The following MCF2L variants were observed in gnomAD, a reference collection of about 807,000 sequenced individuals.
MCF2L encodes the protein MCF.2 cell line derived transforming sequence like, also known as guanine nucleotide exchange factor DBS.
In MCF2L, 97 loss-of-function variants were observed where a neutral mutation model predicts 153.4. The ratio of observed to expected loss-of-function variants is 0.63; its 90% confidence interval spans 0.54 to 0.75. The LOEUF (loss-of-function observed/expected upper bound fraction) is 0.75. Among genes scored for constraint, MCF2L ranks in the 30% least tolerant of loss-of-function variants. The pLI, the probability that MCF2L is intolerant of heterozygous loss-of-function variation, is 0.00. For synonymous variants in MCF2L, 659 were observed against 632.2 expected (o/e 1.04, Z -0.64); for missense variants, 1,347 against 1,495.2 (o/e 0.90, Z 1.64).
At chr13:113,013,079 G>A (rs943733224) in intron 1 of MCF2L, among the ~76,000 whole-genome samples, 27 of 152,130 alleles carry the variant, frequency 1.8e-4, no homozygotes, top group Non-Finnish European at 8.8e-5. Context: ...GGTCACAGTC[G>A]CTCCTGGTGA....
intron 4 of MCF2L, among the ~76,000 whole-genome samples, chr13:113,058,965 A>G (rs28410959): frequency 1.4e-3 from 23 of 16,058 alleles, no homozygotes; most frequent in African/African-American, 2.6e-3. Flanking sequence ...TGAGTGTTTC[A>G]GCGCTGTTTG....
upstream of MCF2L, among the ~76,000 whole-genome samples, chr13:112,968,145 G>GGGA (rs1555355463): frequency 6.7e-5 from 10 of 148,718 alleles, 1 homozygote; most frequent in Non-Finnish European, 1.4e-4. Context: ...AGTGAGGTGG[G>GGGA]GGGGGGGGTC....
chr13:112,990,079 C>G (rs1205542992), intron 1 of MCF2L, among the ~76,000 whole-genome samples: 1 of 152,206 alleles, frequency 6.6e-6, no homozygotes, highest in Non-Finnish European at 1.5e-5. Flanking sequence ...CCTGCTTACC[C>G]CCTGTTCACT....
rs754255363 is a variant in MCF2L at position 113,078,736 on chromosome 13, G to A, written c.1805G>A (p.Arg602His). ...GAGGAGGAAAGCCTGGCCATCCTGC[G>A]CAGGTGGGTGCGCTGCCCTTCTGTC... ...GEEEESLAILRRHVMSELLDT... is the reference protein window; with the variant it reads ...GEEEESLAILHRHVMSELLDT... Residue 602 changes from arginine to histidine, a missense_variant, in exon 15 of 30, where the codon CGC (arginine) becomes CAC (histidine). Coordinates refer to ENST00000535094, the MANE Select transcript of MCF2L (RefSeq NM_001112732.3). 7 of 1,597,572 alleles carry A rather than the reference G, an allele frequency of 4.4e-6. No homozygotes were observed. The highest frequency in any genetic ancestry group is 1.1e-5 in the South Asian group (1 of 89,148).
At chr13:113,016,837 C>T (rs1284619060) in intron 2 of MCF2L, among the ~76,000 whole-genome samples, 5 of 152,218 alleles carry the variant, frequency 3.3e-5, no homozygotes, top group East Asian at 1.9e-4. Context: ...CTCTGCTCCG[C>T]CCCCTTCGTT....
rs1020942170 is a variant in MCF2L, at chr13:112,959,831, GA to G, written c.170-54929del. On this transcript the variant is annotated intron_variant, in intron 2 of 29. Transcript: ENST00000375608. The stretch of plus-strand genomic sequence containing the variant: ...CCACAGCAGCAACGCACCGGTGCTG[GA>G]AACCGAATTTAGACTATTTGGAGTG... 7.9e-5 allele frequency among the ~76,000 whole-genome samples: 12 copies of G among 152,330 alleles called. No homozygotes were observed. In the South Asian group the frequency reaches 1.0e-3, roughly 13 times the overall value.
chr13:113,033,233 A>ACGTGAGTGGCCCCCGTGG (rs2085867989), intron 3 of MCF2L, among the ~76,000 whole-genome samples: 1 of 105,694 alleles, frequency 9.5e-6, no homozygotes. Flanking sequence ...GGCCCCCGTG[A>ACGTGAGTGGCCCCCGTGG]CGTGAGTGGC....
At chr13:113,013,593 A>C (rs1413112319) in intron 1 of MCF2L, among the ~76,000 whole-genome samples, 1 of 152,138 alleles carries the variant, frequency 6.6e-6, no homozygotes, top group African/African-American at 2.4e-5. Context: ...CTCCGCTGGG[A>C]ATTTCCAGGT....
At position 112,985,898 on chromosome 13, in the gene MCF2L, G is replaced by A. The variant is rs137961536; in HGVS notation, c.79+16440G>A. Among the ~76,000 whole-genome samples, 606 of 152,262 alleles carry A rather than the reference G, an allele frequency of 4.0e-3. 3 individuals are homozygous for A. Among genetic ancestry groups the A allele is most frequent in the Non-Finnish European group, 6.6e-3 (447 of 68,012 alleles). On this transcript the variant is annotated intron_variant, in intron 1 of 29. Coordinates refer to ENST00000535094, the MANE Select transcript of MCF2L (RefSeq NM_001112732.3). ...TGGTCCCCTTGACCATGGGACACCC[G>A]GTGACGTGCCTGAGGATCGGCCCCG...
rs1399581616 is a variant in MCF2L, at chr13:113,074,510, G to A, written c.1063G>A (p.Ala355Thr). The A allele has an allele frequency of 6.2e-7, 1 of 1,613,956 alleles. No individual in the cohort carries two copies. Among genetic ancestry groups the A allele is most frequent in the Non-Finnish European group, 8.5e-7 (1 of 1,180,036 alleles). ...ATFTDIGNSL[A>T]HVEHLLRDLA... The stretch of plus-strand genomic sequence containing the variant: ...CTTCACAGACATCGGCAACAGCCTG[G>A]CGCATGTGGAGCACCTGCTGAGGGA... Residue 355 changes from alanine (A) to threonine (T), a missense_variant, in exon 10 of 30, where the codon GCG becomes ACG. Physicochemically the swap from Ala to Thr is moderately conservative, Grantham distance 58 (BLOSUM62 0). This residue lies in a region of MCF2L where 820 missense variants were observed against 921.2 expected (regional missense o/e 0.89). Transcript: ENST00000535094. This position sits in a 1 kb window ranked among gnomAD's most constrained non-coding sequence, Gnocchi z 4.2.
intron 2 of MCF2L, among the ~76,000 whole-genome samples, chr13:112,962,056 C>G (rs2081834569): frequency 2.9e-5 from 3 of 104,934 alleles, no homozygotes; most frequent in African/African-American, 1.0e-4. Context: ...CACGGACACG[C>G]ACACACATGC....
intron 3 of MCF2L, among the ~76,000 whole-genome samples, chr13:113,032,293 C>T (rs1172842797): frequency 6.6e-6 from 1 of 152,204 alleles, no homozygotes; most frequent in East Asian, 1.9e-4. Flanking sequence ...TTTGAATTGG[C>T]TTTTGAATAT....
intron 2 of MCF2L, 29 bp from the exon 3 acceptor site, chr13:113,024,615 C>T: frequency 6.6e-7 from 1 of 1,525,558 alleles, no homozygotes; most frequent in Non-Finnish European, 9.1e-7. Context: ...GAGCCCTCGG[C>T]TAAGGGTCTG....
upstream of MCF2L, chr13:112,964,808 A>C (rs1226235760): frequency 2.0e-5 from 3 of 152,250 alleles, no homozygotes; most frequent in East Asian, 1.9e-4. Flanking sequence ...ATAAAAAGGC[A>C]TCAGAAGGAT....
At chr13:112,950,650 G>A (rs1408381608) in intron 2 of MCF2L, among the ~76,000 whole-genome samples, 1 of 152,190 alleles carries the variant, frequency 6.6e-6, no homozygotes, top group East Asian at 1.9e-4. Flanking sequence ...TCAACAAATA[G>A]TGCTGAAGTA....
chr13:112,911,194 C>G (rs1410258157), intron 2 of MCF2L, among the ~76,000 whole-genome samples: 2 of 152,208 alleles, frequency 1.3e-5, no homozygotes, highest in South Asian at 4.1e-4. Context: ...GCTTTATTTT[C>G]CATACCATGT....
chr13:113,089,988 G>C, intron 26 of MCF2L: 1 of 1,602,256 alleles, frequency 6.2e-7, no homozygotes. Context: ...AGCCGCCTTG[G>C]GCCCTCCCTG....
intron 1 of MCF2L, among the ~76,000 whole-genome samples, chr13:112,970,241 T>C (rs765740815): frequency 1.3e-5 from 2 of 152,202 alleles, no homozygotes; most frequent in Non-Finnish European, 2.9e-5. Flanking sequence ...CCATATGTTA[T>C]GTCATATATG....
At chr13:113,073,098 T>G (rs2033085997) in intron 9 of MCF2L, among the ~76,000 whole-genome samples, 1 of 152,050 alleles carries the variant, frequency 6.6e-6, no homozygotes, top group Non-Finnish European at 1.5e-5. Context: ...TAAATGTATG[T>G]TGTTTGGCTT....
Sources: allele counts gnomAD v4.1 joint callset (sites outside exome capture counted in the v4.1 genomes callset), GRCh38; gene constraint gnomAD v4.1.1; regional missense constraint gnomAD v4.1.1; non-coding constraint Gnocchi (gnomAD v3.1); transcripts MANE v1.5; gene names NCBI Gene and HGNC (gene_info 2026-07-23, HGNC 2026-07-21).